The following SLCO2B1 variants were observed in gnomAD, a reference collection of about 807,000 sequenced individuals.
SLCO2B1 encodes the protein OATP-RP2.
Under a neutral mutation model 67.3 loss-of-function variants are expected in SLCO2B1, and 41 were observed. The observed-to-expected ratio is 0.61, with a 90% CI of 0.47 to 0.79. The LOEUF (loss-of-function observed/expected upper bound fraction) is 0.79, where lower values mean the gene tolerates loss of function less well. Among genes scored for constraint, SLCO2B1 ranks in the 30% least tolerant of loss-of-function variants. The pLI, the probability that SLCO2B1 is intolerant of heterozygous loss-of-function variation, is 0.00. For synonymous variants in SLCO2B1, 379 were observed against 381.4 expected (o/e 0.99, Z 0.07); for missense variants, 837 against 920.1 (o/e 0.91, Z 1.17).
rs759410337 is a variant in SLCO2B1 at position 75,206,357 on chromosome 11, T to C, written c.*1777T>C. 6.6e-6 allele frequency: 1 copy of C among 152,264 alleles called. No homozygotes were observed. The highest frequency in any genetic ancestry group is 1.5e-5 in the Non-Finnish European group (1 of 68,048). 9.4% of individuals were successfully genotyped at this position (152,264 alleles called of 1,614,324 possible). On this transcript the variant is annotated 3_prime_UTR_variant, in exon 14 of 14. Transcript: ENST00000289575. ...TAGATTTAGGTTTTACTGGATTCATTGCTCACCATTATTGCTTGTATATTA... is the reference window on the plus strand; with the variant it reads ...TAGATTTAGGTTTTACTGGATTCATCGCTCACCATTATTGCTTGTATATTA...
At chr11:75,185,545 C>T (rs1374888067) in intron 7 of SLCO2B1, among the ~76,000 whole-genome samples, 3 of 118,042 alleles carry the variant, frequency 2.5e-5, no homozygotes, top group African/African-American at 6.6e-5. Context: ...CTCACTCTAT[C>T]GCCCAGGCTG....
At chr11:75,199,215 C>G (rs1315037647) in intron 10 of SLCO2B1, among the ~76,000 whole-genome samples, 2 of 152,166 alleles carry the variant, frequency 1.3e-5, no homozygotes, top group Non-Finnish European at 2.9e-5. Flanking sequence ...TCTTCAGACC[C>G]TTGTGTGAAG....
intron 10 of SLCO2B1, among the ~76,000 whole-genome samples, chr11:75,197,411 A>C (rs1945115840): frequency 1.3e-5 from 2 of 152,272 alleles, no homozygotes; most frequent in African/African-American, 2.4e-5. Context: ...AGGGCTTTCC[A>C]GGCAGGGGGA....
intron 1 of SLCO2B1, chr11:75,159,811 C>G: frequency 1.0e-6 from 1 of 983,908 alleles, no homozygotes; most frequent in Non-Finnish European, 1.2e-6. Context: ...ATAAAGTACT[C>G]CCAGGAAGGC....
intron 7 of SLCO2B1, among the ~76,000 whole-genome samples, chr11:75,181,073 T>C (rs1207135355): frequency 6.6e-6 from 1 of 152,026 alleles, no homozygotes; most frequent in Non-Finnish European, 1.5e-5. Flanking sequence ...TGAATCTCAT[T>C]AAAAGAAAGC....
chr11:75,168,200 G>A (rs1397630111), intron 4 of SLCO2B1, among the ~76,000 whole-genome samples: 2 of 152,106 alleles, frequency 1.3e-5, no homozygotes, highest in Non-Finnish European at 2.9e-5. Flanking sequence ...GCCAAATTTT[G>A]TTCTTTCTTT....
intron 1 of SLCO2B1, chr11:75,152,597 T>C (rs1949705304): frequency 6.6e-6 from 1 of 152,110 alleles, no homozygotes; most frequent in South Asian, 2.1e-4. Context: ...CTTGGCTCAG[T>C]ATGGATGGGA....
rs1949972851 is a variant in SLCO2B1, at chr11:75,172,453, G to A, written c.856G>A (p.Ala286Thr). 2 of 1,614,212 alleles carry A rather than the reference G, an allele frequency of 1.2e-6. No individual in the cohort carries two copies. The highest frequency in any genetic ancestry group is 1.7e-5 in the Admixed American group (1 of 60,032). Residue 286 changes from alanine (A) to threonine (T), a missense_variant, in exon 7 of 14, where the codon GCA (alanine) becomes ACA (threonine). Physicochemically the swap from Ala to Thr is moderately conservative, Grantham distance 58 (BLOSUM62 0). Transcript: ENST00000289575. ...GCTGGGTTTCCTCATCGCTGCCGGT[G>A]CAGTGGCCCTGGCTGCCATCCCCTA... ...WWLGFLIAAGAVALAAIPYFF... is the reference protein window; with the variant it reads ...WWLGFLIAAGTVALAAIPYFF...
intron 7 of SLCO2B1, 35 bp from the exon 8 acceptor site, chr11:75,188,101 C>T (rs753822147): frequency 6.6e-7 from 1 of 1,508,118 alleles, no homozygotes; most frequent in East Asian, 2.3e-5. Context: ...TTGCTGGCAT[C>T]CAGCGGACTG....
rs1376704258 is a variant in SLCO2B1, at chr11:75,193,250, C to G, written c.1108C>G (p.His370Asp). The G allele has an allele frequency of 1.9e-6, 3 of 1,613,298 alleles. No homozygotes were observed. In the African/African-American group the frequency reaches 4.0e-5, roughly 22 times the overall value. ...FPRVLLQTLR[H>D]PIFLLVVLSQ... is the part of the protein sequence containing the mutation. ...CAGGGTGCTGCTGCAGACCCTACGC[C>G]ACCCCATCTTCCTGCTGGTGGTCCT... Residue 370 changes from histidine (H) to aspartate (D), a missense_variant, in exon 9 of 14, where the codon CAC becomes GAC. Transcript: ENST00000289575. The surrounding 1 kb of genome is among the most constrained non-coding windows in gnomAD (Gnocchi z 4.2).
At chr11:75,189,886 T>C in intron 8 of SLCO2B1, among the ~76,000 whole-genome samples, 1 of 150,658 alleles carries the variant, frequency 6.6e-6, no homozygotes, top group African/African-American at 2.5e-5. Context: ...TGCTTGAACC[T>C]GGGAGTTTGA....
At position 75,202,964 on chromosome 11, in the gene SLCO2B1, G is replaced by A. The variant is rs771183973; in HGVS notation, c.1827G>A (p.Leu609=). ...VGIQFMFLRI[L]AWMPSPVIHG... is the part of the protein sequence containing the mutation. ...TCCAGTTCATGTTCCTGAGGATTTT[G>A]GGTAAAGATCTTGCTTGGGACCATT... Residue 609 remains leucine, a splice_region_variant and synonymous_variant, in exon 12 of 14, where the codon TTG becomes TTA. Transcript: ENST00000289575. The A allele has an allele frequency of 2.3e-5, 37 of 1,613,684 alleles. No individual in the cohort carries two copies. The highest frequency in any genetic ancestry group is 1.2e-4 in the Admixed American group (7 of 59,982).
At chr11:75,189,857 G>A (rs568465242) in intron 8 of SLCO2B1, among the ~76,000 whole-genome samples, 2 of 152,194 alleles carry the variant, frequency 1.3e-5, no homozygotes, top group Admixed American at 1.3e-4. Flanking sequence ...AGCTACTGGG[G>A]AGGCTGAGGT....
intron 1 of SLCO2B1, among the ~76,000 whole-genome samples, chr11:75,161,470 A>T (rs1050361743): frequency 2.6e-5 from 4 of 152,246 alleles, no homozygotes; most frequent in African/African-American, 9.6e-5. Flanking sequence ...AAAAATCATC[A>T]GGCTCCCAGG....
chr11:75,202,603 T>A (rs1945198993), intron 11 of SLCO2B1: 2 of 400,642 alleles, frequency 5.0e-6, no homozygotes, highest in Non-Finnish European at 9.1e-6. Context: ...AAGGGGAGAA[T>A]TTGATGGGAC....
At chr11:75,190,772 C>T (rs1410721127) in intron 8 of SLCO2B1, among the ~76,000 whole-genome samples, 1 of 152,116 alleles carries the variant, frequency 6.6e-6, no homozygotes, top group Admixed American at 6.5e-5. Context: ...ACAGAGGATA[C>T]CTGGCCTCTA....
intron 7 of SLCO2B1, among the ~76,000 whole-genome samples, chr11:75,184,724 T>G (rs374018474): frequency 1.6e-4 from 25 of 152,172 alleles, no homozygotes; most frequent in Admixed American, 2.0e-4. Context: ...GTGGGCCCTA[T>G]CTCAGAGGGT....
chr11:75,200,406 C>T lies in SLCO2B1; in HGVS notation c.1763+19C>T. On this transcript the variant is annotated intron_variant, in intron 11 of 13. Transcript: ENST00000289575. ...TCCTAAGGTGAAGGTGGGGGTGGGG[C>T]AGGGGCAGGTGGATACCAGGAGGTC... is the stretch of plus-strand genomic sequence containing the variant. 6.4e-7 allele frequency: 1 copy of T among 1,572,098 alleles called. No individual in the cohort carries two copies. Among genetic ancestry groups the T allele is most frequent in the Non-Finnish European group, 8.7e-7 (1 of 1,154,686 alleles).
intron 6 of SLCO2B1, among the ~76,000 whole-genome samples, chr11:75,170,401 T>C (rs1565537531): frequency 1.3e-5 from 2 of 152,122 alleles, no homozygotes; most frequent in Admixed American, 1.3e-4. Context: ...GGACTGACGC[T>C]TGGTCTGAAG....
Sources: gnomAD v4.1 joint callset for allele counts (sites outside exome capture counted in the v4.1 genomes callset) on GRCh38, gnomAD v4.1.1 for gene constraint, Gnocchi (gnomAD v3.1) non-coding constraint, MANE v1.5 for transcripts, NCBI Gene and HGNC (gene_info 2026-07-23, HGNC 2026-07-21) for gene names.